Variants in BBS9 observed in about 807,000 individuals in gnomAD.
BBS9 encodes the protein Bardet-Biedl syndrome 9.
A neutral mutation model predicts 117.7 loss-of-function variants in BBS9; 89 were observed. The ratio of observed to expected loss-of-function variants is 0.76; its 90% CI spans 0.64 to 0.90. The LOEUF (loss-of-function observed/expected upper bound fraction) is 0.90, where lower values mean the gene tolerates loss of function less well. Among genes scored for constraint, BBS9 ranks in the 40% least tolerant of loss-of-function variants. The pLI, the probability that BBS9 is intolerant of heterozygous loss-of-function variation, is 0.00. For synonymous variants in BBS9, 379 were observed against 370.9 expected (o/e 1.02, Z -0.25); for missense variants, 982 against 1,042.2 (o/e 0.94, Z 0.80).
intron 5 of BBS9, among the ~76,000 whole-genome samples, chr7:33,256,383 C>A (rs888543849): frequency 2.0e-5 from 3 of 152,150 alleles, no homozygotes; most frequent in African/African-American, 7.2e-5. Flanking sequence ...CCTAGAACAT[C>A]TTTCAGGCTA....
intron 5 of BBS9, among the ~76,000 whole-genome samples, chr7:33,182,314 T>A (rs1798208485): frequency 1.3e-5 from 2 of 152,310 alleles, no homozygotes; most frequent in East Asian, 3.9e-4. Context: ...GGTAAATACA[T>A]GATTTTAATT....
At chr7:33,377,442 G>A (rs1021131674) in intron 17 of BBS9, among the ~76,000 whole-genome samples, 1 of 152,180 alleles carries the variant, frequency 6.6e-6, no homozygotes, top group Non-Finnish European at 1.5e-5. Context: ...ATAGTCTGAA[G>A]TAGGGCAATG....
chr7:33,203,776 G>A (rs1786360675), intron 5 of BBS9, among the ~76,000 whole-genome samples: 1 of 150,834 alleles, frequency 6.6e-6, no homozygotes, highest in Admixed American at 6.6e-5. Flanking sequence ...AGGCTGGAGT[G>A]CAGTGCCATG....
At chr7:33,210,070 A>G (rs1014597739) in intron 5 of BBS9, among the ~76,000 whole-genome samples, 28 of 152,174 alleles carry the variant, frequency 1.8e-4, no homozygotes, top group Admixed American at 7.9e-4. Context: ...ACTGTATTTC[A>G]TAGGTTTCGG....
chr7:33,604,684 C>A (rs1251278504), intron 21 of BBS9, among the ~76,000 whole-genome samples, 181 bp from the exon 22 acceptor site: 1 of 152,126 alleles, frequency 6.6e-6, no homozygotes, highest in South Asian at 2.1e-4. Flanking sequence ...GGCAGTAATT[C>A]ATTCCCAGTA....
intron 21 of BBS9, among the ~76,000 whole-genome samples, chr7:33,615,628 A>C (rs193231899): frequency 7.6e-4 from 115 of 152,258 alleles, no homozygotes; most frequent in African/African-American, 2.7e-3. Context: ...GAATACCAGA[A>C]AGAGAAAAAA....
At chr7:33,306,266 T>A (rs190005940) in intron 9 of BBS9, among the ~76,000 whole-genome samples, 1 of 152,186 alleles carries the variant, frequency 6.6e-6, no homozygotes, top group East Asian at 1.9e-4. Context: ...ATGCTTGATA[T>A]TATTTCAATT....
At chr7:33,136,707 T>C (rs1418611861) in intron 1 of BBS9, among the ~76,000 whole-genome samples, 1 of 152,208 alleles carries the variant, frequency 6.6e-6, no homozygotes, top group African/African-American at 2.4e-5. Flanking sequence ...ACTTTTTATA[T>C]ATTATTGGAT....
chr7:33,176,896 A>G (rs916936223), intron 4 of BBS9, among the ~76,000 whole-genome samples: 2 of 152,210 alleles, frequency 1.3e-5, no homozygotes, highest in East Asian at 1.9e-4. Context: ...CATGCAGTCT[A>G]TTAAATGCAG....
chr7:33,618,332 A>C (rs1391168486), intron 21 of BBS9, among the ~76,000 whole-genome samples: 1 of 151,878 alleles, frequency 6.6e-6, no homozygotes, highest in Non-Finnish European at 1.5e-5. Flanking sequence ...GTGAAAGAGC[A>C]GAACCTTGTC....
intron 20 of BBS9, among the ~76,000 whole-genome samples, chr7:33,530,366 A>G (rs928906537): frequency 6.6e-6 from 1 of 152,240 alleles, no homozygotes; most frequent in Non-Finnish European, 1.5e-5. Context: ...CTCTGTATTA[A>G]CTAAATGTCA....
At chr7:33,438,766 A>T (rs761452514) in intron 19 of BBS9, among the ~76,000 whole-genome samples, 2 of 152,230 alleles carry the variant, frequency 1.3e-5, no homozygotes, top group African/African-American at 2.4e-5. Context: ...ATACATGCTA[A>T]TATTTAACGC....
At chr7:33,466,043 A>G (rs1043714463) in intron 19 of BBS9, among the ~76,000 whole-genome samples, 11 of 152,110 alleles carry the variant, frequency 7.2e-5, no homozygotes, top group Admixed American at 6.5e-4. Flanking sequence ...TATTTAAAGT[A>G]TATAACATTT....
At chr7:33,216,231 T>A (rs1789031677) in intron 5 of BBS9, among the ~76,000 whole-genome samples, 1 of 152,258 alleles carries the variant, frequency 6.6e-6, no homozygotes, top group Non-Finnish European at 1.5e-5. Context: ...CTACTTCTGC[T>A]TTTAATAAGG....
chr7:33,212,873 C>T (rs1179934818), intron 5 of BBS9, among the ~76,000 whole-genome samples: 1 of 152,216 alleles, frequency 6.6e-6, no homozygotes, highest in Admixed American at 6.5e-5. Context: ...TAGTCTCTCT[C>T]TCTCTGTGCT....
At chr7:33,131,780 A>G (rs370541389) in intron 1 of BBS9, among the ~76,000 whole-genome samples, 6 of 152,356 alleles carry the variant, frequency 3.9e-5, no homozygotes, top group African/African-American at 4.8e-5. Context: ...GGCAGAAAAA[A>G]TAAAAATTAT....
At chr7:33,198,629 G>A (rs1486487375) in intron 5 of BBS9, among the ~76,000 whole-genome samples, 7 of 151,878 alleles carry the variant, frequency 4.6e-5, no homozygotes, top group Non-Finnish European at 7.4e-5. Flanking sequence ...TATCTAGCCC[G>A]GAGGCAAAGT....
chr7:33,548,885 C>G (rs1165581914), intron 21 of BBS9, among the ~76,000 whole-genome samples: 1 of 150,698 alleles, frequency 6.6e-6, no homozygotes, highest in African/African-American at 2.5e-5. Context: ...CCATCCCCAT[C>G]AAGCTACCAA....
At chr7:33,140,047 A>G (rs1305328963) in intron 1 of BBS9, among the ~76,000 whole-genome samples, 1 of 150,406 alleles carries the variant, frequency 6.6e-6, no homozygotes, top group Non-Finnish European at 1.5e-5. Flanking sequence ...TTTTTTGGAG[A>G]TGGAGTCTCA....
Sources: allele counts gnomAD v4.1 joint callset (sites outside exome capture counted in the v4.1 genomes callset), GRCh38; gene constraint gnomAD v4.1.1; transcripts MANE v1.5; gene names NCBI Gene and HGNC (gene_info 2026-07-23, HGNC 2026-07-21).